The following UTY variants were observed in gnomAD, a reference collection of about 807,000 sequenced individuals.
The protein encoded by UTY is histone demethylase UTY.
UTY carries 12 observed loss-of-function variants against 32.5 expected under a neutral mutation model. That is an observed-to-expected ratio of 0.37 (90% CI 0.24 to 0.60). UTY has a LOEUF of 0.60. Among genes scored for constraint, UTY ranks in the 20% least tolerant of loss-of-function variants. The pLI is 0.69. For synonymous variants in UTY, 131 were observed against 103.4 expected, an observed-to-expected ratio of 1.27 and a Z score of -1.62; for missense variants, 303 against 299.2, an observed-to-expected ratio of 1.01 and a Z score of -0.09.
At chrY:13,335,076 A>C (rs761019617) in intron 18 of UTY, among the ~76,000 whole-genome samples, 54 of 33,180 alleles carry the variant, frequency 1.6e-3, no homozygotes, top group African/African-American at 5.0e-3. Flanking sequence ...ATTCTCAGCA[A>C]ACTAACACAG....
At chrY:13,248,243 A>G, downstream of UTY, 2 of 33,533 alleles carry the variant, frequency 6.0e-5, no homozygotes, top group Non-Finnish European at 1.5e-4. Context: ...TGATCAAGAC[A>G]TTTCACCTGA....
intron 4 of UTY, among the ~76,000 whole-genome samples, chrY:13,438,650 TC>T (rs2074905861): frequency 2.9e-5 from 1 of 34,027 alleles, no homozygotes; most frequent in Non-Finnish European, 7.3e-5. Flanking sequence ...AGAATTCCCA[TC>T]ACATTGTTGT....
chrY:13,339,867 A>G, intron 17 of UTY, among the ~76,000 whole-genome samples: 4 of 33,078 alleles, frequency 1.2e-4, no homozygotes, highest in African/African-American at 4.8e-4. Context: ...AACCTCCCAT[A>G]ATAGGATCTG....
intron 27 of UTY, chrY:13,287,349 C>A: frequency 2.7e-6 from 1 of 369,123 alleles, no homozygotes. Context: ...GATTGATGCT[C>A]ATCTTGTTGC....
At chrY:13,417,209 C>T in intron 4 of UTY, among the ~76,000 whole-genome samples, 1 of 33,832 alleles carries the variant, frequency 3.0e-5, no homozygotes, top group African/African-American at 1.2e-4. Context: ...GCAACACTGA[C>T]GGATCCCCTC....
At chrY:13,398,528 T>A in intron 6 of UTY, among the ~76,000 whole-genome samples, 2 of 33,200 alleles carry the variant, frequency 6.0e-5, no homozygotes. Flanking sequence ...TTCTTGGACA[T>A]GACGCCAGAC....
chrY:13,439,677 G>C, intron 4 of UTY, among the ~76,000 whole-genome samples: 1 of 32,720 alleles, frequency 3.1e-5, no homozygotes, highest in Non-Finnish European at 7.5e-5. Context: ...CAAGCAAACT[G>C]GATACTCACC....
chrY:13,448,862 G>C, intron 4 of UTY, among the ~76,000 whole-genome samples, 155 bp downstream of exon 4: 1 of 33,444 alleles, frequency 3.0e-5, no homozygotes, highest in Non-Finnish European at 7.4e-5. Flanking sequence ...GACTAAAACA[G>C]GACTTTCCCT....
At chrY:13,359,728 T>A in intron 12 of UTY, 39 bp downstream of exon 12, 2 of 339,345 alleles carry the variant, frequency 5.9e-6, no homozygotes, top group Non-Finnish European at 8.4e-6. Flanking sequence ...ATTATAGGAA[T>A]ATACGTGTCA....
At chrY:13,284,982 A>G (rs367859309) in intron 27 of UTY, among the ~76,000 whole-genome samples, 1 of 34,273 alleles carries the variant, frequency 2.9e-5, no homozygotes, top group Non-Finnish European at 7.3e-5. Context: ...GCCTGGAGTA[A>G]TAAGTCATGC....
At chrY:13,438,744 C>A (rs1020878031) in intron 4 of UTY, among the ~76,000 whole-genome samples, 8 of 33,107 alleles carry the variant, frequency 2.4e-4, no homozygotes, top group Non-Finnish European at 5.2e-4. Context: ...GACTATTTAA[C>A]AGATGTAGCA....
chrY:13,381,187 G>A, intron 8 of UTY, among the ~76,000 whole-genome samples: 1 of 34,264 alleles, frequency 2.9e-5, no homozygotes, highest in East Asian at 7.6e-4. Flanking sequence ...TACCAGTGAA[G>A]GGGTAATGAG....
At chrY:13,305,061 A>G in intron 24 of UTY, among the ~76,000 whole-genome samples, 1 of 32,122 alleles carries the variant, frequency 3.1e-5, no homozygotes, top group African/African-American at 1.2e-4. Flanking sequence ...TTTATTATAC[A>G]TAACTTCAGT....
chrY:13,478,639 T>G (rs1029744692), intron 2 of UTY, among the ~76,000 whole-genome samples: 4 of 32,908 alleles, frequency 1.2e-4, no homozygotes, highest in Admixed American at 2.8e-4. Flanking sequence ...TTCTTCCCAC[T>G]GTGAGCATGA....
intron 9 of UTY, 140 bp downstream of exon 9, chrY:13,369,116 G>A (rs931830443): frequency 1.4e-4 from 11 of 79,765 alleles, no homozygotes; most frequent in African/African-American, 6.2e-4. Context: ...AAAATAATAC[G>A]TAATAATTAA....
intron 28 of UTY, chrY:13,234,890 C>T: frequency 9.6e-6 from 1 of 103,869 alleles, no homozygotes. Flanking sequence ...TCCCACCCTT[C>T]AGGTCCTCCC....
intron 7 of UTY, among the ~76,000 whole-genome samples, chrY:13,395,903 GTTTT>G: frequency 8.4e-5 from 1 of 11,969 alleles, no homozygotes; most frequent in Non-Finnish European, 1.8e-4. Context: ...TCATCCTTCT[GTTTT>G]TTTTTTTTTT....
chrY:13,305,590 C>A, intron 23 of UTY, 43 bp from the exon 24 acceptor site: 2 of 357,542 alleles, frequency 5.6e-6, no homozygotes, highest in Non-Finnish European at 7.7e-6. Context: ...TCGTAAGAAT[C>A]ACCACATCCT....
chrY:13,446,881 T>G (rs570422646), intron 4 of UTY, among the ~76,000 whole-genome samples: 83 of 32,159 alleles, frequency 2.6e-3, no homozygotes, highest in African/African-American at 9.4e-3. Context: ...TACTACAAAG[T>G]TACACTAATT....
Sources: gnomAD v4.1 joint callset for allele counts (sites outside exome capture counted in the v4.1 genomes callset) on GRCh38, gnomAD v4.1.1 for gene constraint, MANE v1.5 for transcripts, NCBI Gene and HGNC (gene_info 2026-07-23, HGNC 2026-07-21) for gene names.